The following WNK1 variants were observed in gnomAD, a reference collection of about 807,000 sequenced individuals.
WNK1 encodes the protein serine/threonine-protein kinase WNK1.
Under a neutral mutation model 222.8 loss-of-function variants are expected in WNK1, and 38 were observed. The observed-to-expected ratio is 0.17, with a 90% confidence interval of 0.13 to 0.22. The LOEUF is 0.22. Ranked by LOEUF, WNK1 falls within the 10% of genes least tolerant of loss-of-function variation. The pLI, the probability that WNK1 is intolerant of heterozygous loss-of-function variation, is 1.00. For synonymous variants in WNK1, 1,090 were observed against 1,092.9 expected, an observed-to-expected ratio of 1.00 and a Z score of 0.05; for missense variants, 2,348 against 2,918.4, an observed-to-expected ratio of 0.80 and a Z score of 4.50.
At chr12:756,530 GCT>G (rs1403187852) in intron 1 of WNK1, among the ~76,000 whole-genome samples, 29 of 152,150 alleles carry the variant, frequency 1.9e-4, no homozygotes, top group African/African-American at 7.0e-4. Context: ...ATGAATCCTA[GCT>G]TATTAAGTGG....
chr12:826,123 A>G (rs187044822), intron 2 of WNK1, among the ~76,000 whole-genome samples: 30 of 152,310 alleles, frequency 2.0e-4, no homozygotes, highest in African/African-American at 7.2e-4. Context: ...TTTCCTTTCT[A>G]GATCTGTGCT....
intron 4 of WNK1, among the ~76,000 whole-genome samples, chr12:855,314 A>G (rs571206314): frequency 1.7e-3 from 257 of 152,344 alleles, no homozygotes; most frequent in Non-Finnish European, 2.5e-3. Flanking sequence ...ACATGAATTT[A>G]ACTTTAGGGT....
At chr12:880,247 C>T (rs72649892) in intron 11 of WNK1, among the ~76,000 whole-genome samples, 17 of 152,206 alleles carry the variant, frequency 1.1e-4, no homozygotes, top group African/African-American at 4.1e-4. Flanking sequence ...AAATGGTTCT[C>T]TCAGTATTCA....
At chr12:816,469 CAG>C (rs759334749) in intron 2 of WNK1, among the ~76,000 whole-genome samples, 5 of 151,202 alleles carry the variant, frequency 3.3e-5, no homozygotes, top group Non-Finnish European at 5.9e-5. Flanking sequence ...TTAGTAGAGA[CAG>C]TGTCTATTTT....
chr12:851,860 T>A, intron 4 of WNK1: 1 of 1,146,030 alleles, frequency 8.7e-7, no homozygotes, highest in Non-Finnish European at 1.1e-6. Flanking sequence ...TTTCCAATAT[T>A]GAAATTGTTA....
intron 1 of WNK1, among the ~76,000 whole-genome samples, chr12:785,584 AG>A (rs1944221728): frequency 6.6e-6 from 1 of 151,916 alleles, no homozygotes; most frequent in African/African-American, 2.4e-5. Context: ...TTTTTAGTAG[AG>A]ACGGGGTTTC....
chr12:793,970 A>G (rs1312268678), intron 1 of WNK1, among the ~76,000 whole-genome samples: 1 of 152,122 alleles, frequency 6.6e-6, no homozygotes, highest in African/African-American at 2.4e-5. Context: ...CTATGTCTCT[A>G]GATTTGCCTA....
Position 759,771 on chromosome 12 carries a change from A to G in WNK1, c.759+5447A>G, listed in dbSNP as rs762782262. Among the ~76,000 whole-genome samples the G allele has an allele frequency of 1.2e-4, 18 of 148,122 alleles. 2 individuals carry two copies. The highest frequency in any genetic ancestry group is 2.7e-4 in the Non-Finnish European group (18 of 66,240). On this transcript the variant is annotated intron_variant, in intron 1 of 27. Transcript: ENST00000315939. ...CCTGGGCTCAAATCAAGGCTCAGCT[A>G]CATAATTGTGTCACCTTGAGCAAGT...
At chr12:886,819 A>G (rs535221131) in intron 19 of WNK1, among the ~76,000 whole-genome samples, 3 of 152,308 alleles carry the variant, frequency 2.0e-5, no homozygotes, top group South Asian at 4.1e-4. Context: ...AGACCTGCCC[A>G]TTGGTTATTT....
chr12:886,089 A>G lies in WNK1; in HGVS notation c.5280+5A>G. On this transcript the variant is annotated splice_donor_5th_base_variant and intron_variant, in intron 19 of 27. Coordinates refer to ENST00000315939, the MANE Select transcript of WNK1 (RefSeq NM_018979.4). ...CCACCTCTAACTAAGGCTCCGGTAA[A>G]ATTATTGTTATAAAATAATTAGATA... 1 of 1,602,838 alleles carries G rather than the reference A, an allele frequency of 6.2e-7. No homozygotes were observed. Among genetic ancestry groups the G allele is most frequent in the African/African-American group, 1.4e-5 (1 of 73,668 alleles).
intron 2 of WNK1, 43 bp from the exon 3 acceptor site, chr12:826,999 T>G (rs1948411019): frequency 1.3e-6 from 2 of 1,513,406 alleles, no homozygotes; most frequent in Non-Finnish European, 1.8e-6. Flanking sequence ...AGCAACAAAC[T>G]CCTATCATTG....
At position 753,616 on chromosome 12, in the gene WNK1, C is replaced by G; in HGVS notation, c.51C>G (p.Phe17Leu). ...EKQSSTPGSL[F>L]LSPPAPAPKN... ...AGAGCAGCACTCCCGGTTCCCTGTT[C>G]CTCTCGCCGCCGGCTCCTGCCCCCA... The change falls in exon 1 of 28, where the codon TTC becomes TTG. Residue 17 changes from phenylalanine to leucine, a missense_variant. By Grantham distance (22) the Phe-to-Leu change is conservative (BLOSUM62 0). Around this residue, in one of 13 missense-constraint regions of WNK1, gnomAD observed 108 missense variants for 109.7 expected, o/e 0.98. Transcript: ENST00000315939. This position sits in a 1 kb window ranked among gnomAD's most constrained non-coding sequence, Gnocchi z 5.2. The G allele has an allele frequency of 6.2e-7, 1 of 1,612,808 alleles. No homozygotes were observed. Among genetic ancestry groups the G allele is most frequent in the Non-Finnish European group, 8.5e-7 (1 of 1,179,924 alleles).
chr12:813,268 G>A (rs1288055432), intron 1 of WNK1, among the ~76,000 whole-genome samples: 1 of 152,184 alleles, frequency 6.6e-6, no homozygotes, highest in African/African-American at 2.4e-5. Context: ...CAATGTTTTG[G>A]TTAAAGATAG....
intron 3 of WNK1, 94 bp from the exon 4 acceptor site, chr12:829,909 C>A: frequency 7.3e-7 from 1 of 1,361,234 alleles, no homozygotes; most frequent in Non-Finnish European, 1.0e-6. Context: ...CCAATTTCTT[C>A]TCTCTCACAG....
chr12:883,379 C>T lies in WNK1; in HGVS notation c.3490-16C>T. ...GAAATGACACTAATTAGACTGACAT[C>T]ACATTTCTTTTACAGGTGAACAATG... is the stretch of plus-strand genomic sequence containing the variant. On this transcript the variant is annotated splice_polypyrimidine_tract_variant and intron_variant, in intron 15 of 27. Transcript: ENST00000315939. 1 of 1,614,048 alleles carries T rather than the reference C, an allele frequency of 6.2e-7. No individual in the cohort carries two copies. Among genetic ancestry groups the T allele is most frequent in the South Asian group, 1.1e-5 (1 of 91,064 alleles).
Position 896,624 on chromosome 12 carries a change from T to C in WNK1, c.6137T>C (p.Leu2046Pro), listed in dbSNP as rs751192879. Residue 2046 changes from leucine (L) to proline (P), a missense_variant, in exon 24 of 28, where the codon CTA (leucine) becomes CCA (proline). This residue lies in a region of WNK1 where 1,144 missense variants were observed against 1,273.6 expected (regional missense o/e 0.90). Coordinates refer to ENST00000315939, the MANE Select transcript of WNK1 (RefSeq NM_018979.4). ...LSSKSLPSQN[L>P]SQSLSNSFNS... is the part of the protein sequence containing the mutation. ...TCAAAGAGCCTTCCTAGCCAGAATCTAAGTCAAAGCCTTAGTAATTCATTT... is the reference window on the plus strand; with the variant it reads ...TCAAAGAGCCTTCCTAGCCAGAATCCAAGTCAAAGCCTTAGTAATTCATTT... 3.1e-6 allele frequency: 5 copies of C among 1,608,066 alleles called. No individual in the cohort carries two copies. The highest frequency in any genetic ancestry group is 3.4e-6 in the Non-Finnish European group (4 of 1,177,268).
rs529597808 is a variant in WNK1 at position 768,556 on chromosome 12, A to T, written c.759+14232A>T. Among the ~76,000 whole-genome samples, 7 of 152,286 alleles carry T rather than the reference A, an allele frequency of 4.6e-5. No homozygotes were observed. In the South Asian group the frequency reaches 1.5e-3, roughly 32 times the overall value. On this transcript the variant is annotated intron_variant, in intron 1 of 27. Coordinates refer to ENST00000315939, the MANE Select transcript of WNK1 (RefSeq NM_018979.4). ...GCTAAAGCATAGTTTGATTTCTGTG[A>T]TAAGAATCTTGACCATATTCTATCC...
chr12:895,140 C>T (rs1421343315), intron 23 of WNK1, among the ~76,000 whole-genome samples: 2 of 152,050 alleles, frequency 1.3e-5, no homozygotes, highest in Non-Finnish European at 2.9e-5. Flanking sequence ...CACATGATAC[C>T]ATATCACTTT....
At chr12:892,557 T>C (rs1333864822) in intron 22 of WNK1, among the ~76,000 whole-genome samples, 1 of 151,980 alleles carries the variant, frequency 6.6e-6, no homozygotes, top group Admixed American at 6.6e-5. Flanking sequence ...TGCCACCGAT[T>C]GCAAATATAA....
Sources: gnomAD v4.1 joint callset for allele counts (sites outside exome capture counted in the v4.1 genomes callset) on GRCh38, gnomAD v4.1.1 for gene constraint, gnomAD v4.1.1 regional missense constraint, Gnocchi (gnomAD v3.1) non-coding constraint, MANE v1.5 for transcripts, NCBI Gene and HGNC (gene_info 2026-07-23, HGNC 2026-07-21) for gene names.